The following NEMP2 variants were observed in gnomAD, a reference collection of about 807,000 sequenced individuals.
NEMP2 encodes the protein nuclear envelope integral membrane protein 2.
Under a neutral mutation model 54.2 loss-of-function variants are expected in NEMP2, and 53 were observed. That is an observed-to-expected ratio of 0.98 (90% CI 0.78 to 1.23). The LOEUF is 1.23. NEMP2 is among the 50% of genes most tolerant of loss of function. The pLI, the probability that NEMP2 is intolerant of heterozygous loss-of-function variation, is 0.00. For synonymous variants in NEMP2, 197 were observed against 190.3 expected (o/e 1.04, Z -0.29); for missense variants, 455 against 511.3 (o/e 0.89, Z 1.06).
At chr2:190,430,681 C>T in the NEMP2 span, among the ~76,000 whole-genome samples, 5 of 151,714 alleles carry the variant, frequency 3.3e-5, no homozygotes, top group South Asian at 2.1e-4. Flanking sequence ...TCCACAAAAC[C>T]GCCATTGTCA....
the NEMP2 span, among the ~76,000 whole-genome samples, chr2:190,490,299 C>T: frequency 1.3e-5 from 2 of 150,760 alleles, no homozygotes; most frequent in Admixed American, 6.6e-5. This position sits in a 1 kb window ranked among gnomAD's most constrained non-coding sequence, Gnocchi z 4.5. Flanking sequence ...TGCAGTGGCT[C>T]ACGCCTGTAA....
In NEMP2 at chr2:190,510,348, G is replaced by A; in HGVS notation, c.1130+13C>T. The A allele has an allele frequency of 6.4e-7, 1 of 1,551,444 alleles. No homozygotes were observed. The highest frequency in any genetic ancestry group is 8.7e-7 in the Non-Finnish European group (1 of 1,146,866). ...GAACTAAACTATGGTCCGAGCAGCA[G>A]AGCGGGACTTACTTGCTAGGAGTGT... On this transcript the variant is annotated intron_variant, in intron 8 of 8. Transcript: ENST00000409150. This position sits in a 1 kb window ranked among gnomAD's most constrained non-coding sequence, Gnocchi z 5.7.
the NEMP2 span, among the ~76,000 whole-genome samples, chr2:190,475,144 A>C: frequency 5.5e-4 from 84 of 152,342 alleles, no homozygotes; most frequent in Admixed American, 1.4e-3. Flanking sequence ...ATTCCCTTTG[A>C]AAACTGACAC....
At chr2:190,483,887 T>C in the NEMP2 span, among the ~76,000 whole-genome samples, 1 of 150,882 alleles carries the variant, frequency 6.6e-6, no homozygotes, top group African/African-American at 2.4e-5. Context: ...TTACTCATAA[T>C]TATTTTTAAT....
At chr2:190,642,341 A>G in the NEMP2 span, among the ~76,000 whole-genome samples, 1 of 152,232 alleles carries the variant, frequency 6.6e-6, no homozygotes, top group African/African-American at 2.4e-5. This position sits in a 1 kb window ranked among gnomAD's most constrained non-coding sequence, Gnocchi z 4.1. Context: ...GTATTTGAAT[A>G]TATTTTGAAT....
intron 6 of NEMP2, among the ~76,000 whole-genome samples, chr2:190,515,120 G>C (rs1690507842): frequency 6.6e-6 from 1 of 152,176 alleles, no homozygotes; most frequent in South Asian, 2.1e-4. Context: ...TTACGATGGT[G>C]AGACTATAAG....
the NEMP2 span, among the ~76,000 whole-genome samples, chr2:190,457,260 CT>C: frequency 4.6e-5 from 7 of 152,324 alleles, no homozygotes. The surrounding 1 kb of genome is among the most constrained non-coding windows in gnomAD (Gnocchi z 5.1). Context: ...CGGTCCACCC[CT>C]GTGGCCCTCT....
At chr2:190,566,920 G>A in the NEMP2 span, among the ~76,000 whole-genome samples, 1 of 152,050 alleles carries the variant, frequency 6.6e-6, no homozygotes, top group Non-Finnish European at 1.5e-5. Flanking sequence ...CTCTTCGTCA[G>A]CTTTTGAGTG....
chr2:190,613,517 T>C, the NEMP2 span, among the ~76,000 whole-genome samples: 12 of 152,302 alleles, frequency 7.9e-5, 1 homozygote, highest in East Asian at 2.1e-3. Context: ...AAGTACAAAG[T>C]TGCTTGATCA....
At chr2:190,499,261 T>C in the NEMP2 span, among the ~76,000 whole-genome samples, 1 of 151,190 alleles carries the variant, frequency 6.6e-6, no homozygotes, top group East Asian at 1.9e-4. This position sits in a 1 kb window ranked among gnomAD's most constrained non-coding sequence, Gnocchi z 6.0. Context: ...ACTAAGTTTC[T>C]TTTTCTTTCA....
chr2:190,547,453 C>G, the NEMP2 span, among the ~76,000 whole-genome samples: 1 of 152,176 alleles, frequency 6.6e-6, no homozygotes, highest in Non-Finnish European at 1.5e-5. This position sits in a 1 kb window ranked among gnomAD's most constrained non-coding sequence, Gnocchi z 6.2. Flanking sequence ...CCCTATTAAT[C>G]CTGTTGAGTA....
the NEMP2 span, among the ~76,000 whole-genome samples, chr2:190,578,417 TC>T: frequency 2.6e-5 from 4 of 152,044 alleles, no homozygotes; most frequent in Non-Finnish European, 4.4e-5. The surrounding 1 kb of genome is among the most constrained non-coding windows in gnomAD (Gnocchi z 4.4). Flanking sequence ...TTGTGACAGC[TC>T]CAGATTACAA....
At chr2:190,585,476 C>T in the NEMP2 span, among the ~76,000 whole-genome samples, 3 of 152,300 alleles carry the variant, frequency 2.0e-5, no homozygotes, top group East Asian at 1.9e-4. This position sits in a 1 kb window ranked among gnomAD's most constrained non-coding sequence, Gnocchi z 5.3. Context: ...CTCCCTCTTT[C>T]GGACAGATAC....
At chr2:190,445,760 T>G in the NEMP2 span, among the ~76,000 whole-genome samples, 1 of 152,098 alleles carries the variant, frequency 6.6e-6, no homozygotes, top group Non-Finnish European at 1.5e-5. Flanking sequence ...GTTAAGTGCT[T>G]CTCTTTTCAT....
chr2:190,583,892 G>A, the NEMP2 span, among the ~76,000 whole-genome samples: 3 of 152,184 alleles, frequency 2.0e-5, no homozygotes, highest in Non-Finnish European at 2.9e-5. Flanking sequence ...CCTCTTTGGC[G>A]CCTGGCCATG....
chr2:190,561,944 T>TTTACTATGTAGTTACTGTTGCCCACTG, the NEMP2 span, among the ~76,000 whole-genome samples: 3 of 152,192 alleles, frequency 2.0e-5, no homozygotes, highest in African/African-American at 7.2e-5. This position sits in a 1 kb window ranked among gnomAD's most constrained non-coding sequence, Gnocchi z 5.4. Context: ...TAATTTTTAT[T>TTTACTATGTAGTTACTGTTGCCCACTG]TTACTATGTA....
chr2:190,433,645 A>G, the NEMP2 span, among the ~76,000 whole-genome samples: 2 of 152,176 alleles, frequency 1.3e-5, no homozygotes, highest in Admixed American at 1.3e-4. This position sits in a 1 kb window ranked among gnomAD's most constrained non-coding sequence, Gnocchi z 4.5. Context: ...AACCTAAAAA[A>G]CCGACATGAA....
chr2:190,436,351 G>A, the NEMP2 span: 1 of 1,614,214 alleles, frequency 6.2e-7, no homozygotes, highest in Non-Finnish European at 8.5e-7. The surrounding 1 kb of genome is among the most constrained non-coding windows in gnomAD (Gnocchi z 5.3). Context: ...ACTACTAGTA[G>A]GTATTCGTTA....
At chr2:190,449,900 A>C in the NEMP2 span, among the ~76,000 whole-genome samples, 4 of 152,144 alleles carry the variant, frequency 2.6e-5, no homozygotes, top group Non-Finnish European at 5.9e-5. Context: ...GCTTTAGGAG[A>C]TATACCTAAT....
Sources: allele counts gnomAD v4.1 joint callset (sites outside exome capture counted in the v4.1 genomes callset), GRCh38; gene constraint gnomAD v4.1.1; non-coding constraint Gnocchi (gnomAD v3.1); transcripts MANE v1.5; gene names NCBI Gene and HGNC (gene_info 2026-07-23, HGNC 2026-07-21).